CDH19: variants seen among roughly 807,000 people sequenced by gnomAD.
The protein encoded by CDH19 is cadherin-19.
A neutral mutation model predicts 64.2 loss-of-function variants in CDH19; 67 were observed. The ratio of observed to expected loss-of-function variants is 1.04; its 90% CI spans 0.86 to 1.28. CDH19 has a LOEUF of 1.28. CDH19 is among the 50% of genes most tolerant of loss of function. The probability of loss-of-function intolerance (pLI) is 0.00; values close to 1 mark genes in which losing one functional copy is unlikely to be tolerated. For missense variants in CDH19, 1,030 were observed against 929.0 expected (o/e 1.11, Z -1.41); for synonymous variants, 346 against 319.3 (o/e 1.08, Z -0.89).
At chr18:66,543,350 G>C (rs1986968498) in intron 7 of CDH19, among the ~76,000 whole-genome samples, 1 of 151,926 alleles carries the variant, frequency 6.6e-6, no homozygotes, top group Non-Finnish European at 1.5e-5. Flanking sequence ...ATTTTGATCA[G>C]CTTTGTTTCA....
chr18:66,553,289 T>C (rs1019808532), intron 4 of CDH19, among the ~76,000 whole-genome samples: 1 of 134,580 alleles, frequency 7.4e-6, no homozygotes, highest in Non-Finnish European at 1.5e-5. Flanking sequence ...TTGGTACATA[T>C]TCAGCCTTTC....
intron 9 of CDH19, among the ~76,000 whole-genome samples, chr18:66,526,629 G>C (rs974324726): frequency 1.3e-5 from 2 of 152,004 alleles, no homozygotes; most frequent in Non-Finnish European, 2.9e-5. Context: ...TTAGTAACAT[G>C]GTGGTTTTAA....
At chr18:66,545,818 C>A (rs1484811811) in intron 5 of CDH19, among the ~76,000 whole-genome samples, 1 of 151,900 alleles carries the variant, frequency 6.6e-6, no homozygotes, top group East Asian at 1.9e-4. Flanking sequence ...AAATATAGAT[C>A]GAAAGGAGTT....
chr18:66,548,256 T>G (rs1262860880), intron 5 of CDH19, among the ~76,000 whole-genome samples: 1 of 90,064 alleles, frequency 1.1e-5, no homozygotes, highest in African/African-American at 5.0e-5. Context: ...TATATATATA[T>G]ATATATTTTT....
intron 3 of CDH19, among the ~76,000 whole-genome samples, chr18:66,563,504 T>C (rs1987797476): frequency 6.6e-6 from 1 of 151,932 alleles, no homozygotes; most frequent in African/African-American, 2.4e-5. Flanking sequence ...AATAATATTA[T>C]AGTGATCCAC....
intron 9 of CDH19, among the ~76,000 whole-genome samples, chr18:66,515,899 A>G (rs184478890): frequency 1.8e-4 from 28 of 152,004 alleles, no homozygotes; most frequent in African/African-American, 6.7e-4. Flanking sequence ...CTGGTGGTAC[A>G]ATCATGGATA....
At chr18:66,573,615 T>C (rs522370) in intron 1 of CDH19, among the ~76,000 whole-genome samples, 93,195 of 151,116 alleles carry the variant, frequency 0.62, 29,681 homozygotes, top group African/African-American at 0.76. Context: ...TGGTACAATA[T>C]TATTCATGAA....
At position 66,584,354 on chromosome 18, in the gene CDH19, A is replaced by T. The variant is rs528183178; in HGVS notation, c.-112-12038T>A. On this transcript the variant is annotated intron_variant, in intron 1 of 11. Coordinates refer to ENST00000262150, the MANE Select transcript of CDH19 (RefSeq NM_021153.4). ...AACTCAAAAATAACAGATGCTGGTA[A>T]GGTTGAAGGGAAAAAGATACACTTA... 1.5e-4 allele frequency among the ~76,000 whole-genome samples: 23 copies of T among 152,178 alleles called. 1 individual carries two copies. The South Asian group carries it at 4.6e-3, about 30-fold the overall frequency.
At chr18:66,558,248 C>T (rs995255039) in intron 3 of CDH19, among the ~76,000 whole-genome samples, 2 of 150,480 alleles carry the variant, frequency 1.3e-5, no homozygotes, top group African/African-American at 4.9e-5. Flanking sequence ...TAGTTTTTCT[C>T]TTAATTTTTA....
intron 1 of CDH19, among the ~76,000 whole-genome samples, chr18:66,597,135 G>A (rs1224659364): frequency 6.4e-5 from 6 of 94,486 alleles, no homozygotes; most frequent in Non-Finnish European, 1.2e-4. Context: ...CCACAAAAGA[G>A]CCCAAAGAGC....
At chr18:66,587,252 A>G in intron 1 of CDH19, among the ~76,000 whole-genome samples, 1 of 152,138 alleles carries the variant, frequency 6.6e-6, no homozygotes. Flanking sequence ...AGGAGTGTCA[A>G]ATGAGAGTTG....
intron 2 of CDH19, among the ~76,000 whole-genome samples, chr18:66,570,327 C>T (rs1199872975): frequency 3.3e-5 from 5 of 151,568 alleles, no homozygotes; most frequent in Non-Finnish European, 7.4e-5. Flanking sequence ...GAAACAAAAA[C>T]GAAAAAGCTT....
intron 11 of CDH19, 139 bp downstream of exon 11, chr18:66,508,856 C>T (rs1985329626): frequency 1.1e-6 from 1 of 896,168 alleles, no homozygotes; most frequent in African/African-American, 1.7e-5. Context: ...TACACACAGA[C>T]CCACATTATA....
At chr18:66,560,886 A>C (rs1987696417) in intron 3 of CDH19, among the ~76,000 whole-genome samples, 1 of 152,110 alleles carries the variant, frequency 6.6e-6, no homozygotes, top group African/African-American at 2.4e-5. Flanking sequence ...GGTGGATCAA[A>C]AATTAAATTC....
At chr18:66,547,611 G>T (rs1987165348) in intron 5 of CDH19, among the ~76,000 whole-genome samples, 1 of 150,786 alleles carries the variant, frequency 6.6e-6, no homozygotes, top group South Asian at 2.1e-4. Context: ...GGAAAAAGAG[G>T]TTCAGAGGAG....
chr18:66,517,356 C>A (rs1422179772), intron 9 of CDH19, among the ~76,000 whole-genome samples: 1 of 151,484 alleles, frequency 6.6e-6, no homozygotes, highest in Non-Finnish European at 1.5e-5. Context: ...TACTTTACCT[C>A]CAAAAAAAAA....
chr18:66,543,015 T>C (rs1325420691), intron 7 of CDH19, among the ~76,000 whole-genome samples: 2 of 152,278 alleles, frequency 1.3e-5, no homozygotes, highest in South Asian at 4.1e-4. Context: ...GTAAATAGTA[T>C]TTAAATAAGC....
intron 9 of CDH19, among the ~76,000 whole-genome samples, chr18:66,516,077 A>G (rs999443919): frequency 1.3e-5 from 2 of 151,966 alleles, no homozygotes; most frequent in African/African-American, 4.8e-5. Flanking sequence ...AGAACCTTGT[A>G]TCTGTGCTGA....
chr18:66,572,017 A>T lies in CDH19; in HGVS notation c.188T>A (p.Ile63Asn). Reference protein sequence around the residue: ...PEEMNTTSHHIGQLRSDLDNG... With the variant: ...PEEMNTTSHHNGQLRSDLDNG... ...TTTTAAATAAATAAGTACCTGGCCG[A>T]TGTGATGACTAGTCGTATTCATTTC... The change falls in exon 2 of 12, where the codon ATC (isoleucine) becomes AAC (asparagine). Residue 63 changes from isoleucine to asparagine, a missense_variant. Coordinates refer to ENST00000262150, the MANE Select transcript of CDH19 (RefSeq NM_021153.4). 1 of 1,606,746 alleles carries T rather than the reference A, an allele frequency of 6.2e-7. No homozygotes were observed. The highest frequency in any genetic ancestry group is 1.3e-5 in the African/African-American group (1 of 74,690).
Sources: gnomAD v4.1 joint callset for allele counts (sites outside exome capture counted in the v4.1 genomes callset) on GRCh38, gnomAD v4.1.1 for gene constraint, MANE v1.5 for transcripts, NCBI Gene and HGNC (gene_info 2026-07-23, HGNC 2026-07-21) for gene names.